ZNF589: variants seen among roughly 807,000 people sequenced by gnomAD.
The protein encoded by ZNF589 is zinc finger protein 589, also known as KRAB-zinc finger protein SZF1-1.
ZNF589 carries 17 observed loss-of-function variants against 13.6 expected under a neutral mutation model. That is an observed-to-expected ratio of 1.25 (90% CI 0.86 to 1.88). The LOEUF (loss-of-function observed/expected upper bound fraction) is 1.88. ZNF589 is among the 40% of genes most tolerant of loss of function. The pLI, the probability that ZNF589 is intolerant of heterozygous loss-of-function variation, is 0.00. For missense variants in ZNF589, 407 were observed against 434.0 expected (o/e 0.94, Z 0.55); for synonymous variants, 148 against 161.6 (o/e 0.92, Z 0.64).
chr3:48,248,285 A>G (rs958797359), intron 2 of ZNF589, among the ~76,000 whole-genome samples: 7 of 152,220 alleles, frequency 4.6e-5, no homozygotes, highest in African/African-American at 1.7e-4. Flanking sequence ...TTTCGAGATG[A>G]GATCATCTGG....
At position 48,270,873 on chromosome 3, in the gene ZNF589, AG is replaced by A. The variant is rs376557744; in HGVS notation, c.*2089del. The A allele has an allele frequency of 7.2e-4, 122 of 170,350 alleles. 1 individual carries two copies. Among genetic ancestry groups the A allele is most frequent in the Admixed American group, 1.9e-3 (31 of 16,530 alleles). 10.6% of individuals were successfully genotyped at this position (170,350 alleles called of 1,614,324 possible). On this transcript the variant is annotated 3_prime_UTR_variant, in exon 4 of 4. Coordinates refer to ENST00000354698, the MANE Select transcript of ZNF589 (RefSeq NM_016089.3). Reference sequence around the variant, plus strand: ...GAAGGGCTAGGGGTACCTGGAATGTAGGATCTCCCCCATGCCTGGCCTACCA... The same window carrying A: ...GAAGGGCTAGGGGTACCTGGAATGTAGATCTCCCCCATGCCTGGCCTACCA...
At chr3:48,260,429 G>A (rs1300180673) in intron 2 of ZNF589, among the ~76,000 whole-genome samples, 1 of 151,324 alleles carries the variant, frequency 6.6e-6, no homozygotes, top group East Asian at 1.9e-4. Flanking sequence ...TTCTTTTTGA[G>A]GCGGAGTCTC....
intron 2 of ZNF589, among the ~76,000 whole-genome samples, chr3:48,259,539 A>G (rs2033945506): frequency 6.6e-6 from 1 of 152,182 alleles, no homozygotes; most frequent in Non-Finnish European, 1.5e-5. Flanking sequence ...GGTGGACAAG[A>G]AGATTGATGT....
intron 2 of ZNF589, among the ~76,000 whole-genome samples, chr3:48,249,581 T>A (rs530158333): frequency 6.6e-6 from 1 of 152,340 alleles, no homozygotes; most frequent in South Asian, 2.1e-4. Flanking sequence ...GTTCAGCACT[T>A]CTATAGCTAT....
intron 1 of ZNF589, among the ~76,000 whole-genome samples, chr3:48,246,552 C>T (rs762488569): frequency 1.3e-4 from 20 of 152,204 alleles, no homozygotes; most frequent in Non-Finnish European, 2.6e-4. Context: ...TCAAGTGATC[C>T]TCCCACCTCA....
chr3:48,267,052 C>A (rs1429685667), intron 3 of ZNF589, among the ~76,000 whole-genome samples: 1 of 152,084 alleles, frequency 6.6e-6, no homozygotes, highest in African/African-American at 2.4e-5. Flanking sequence ...GCATAGGAAG[C>A]CTTCATTTGA....
Position 48,264,980 on chromosome 3 carries a change from A to T in ZNF589, c.224-2935A>T, listed in dbSNP as rs183027060. Among the ~76,000 whole-genome samples the T allele has an allele frequency of 4.4e-3, 662 of 152,002 alleles. 6 individuals are homozygous for T. Among genetic ancestry groups the T allele is most frequent in the African/African-American group, 0.015 (641 of 41,458 alleles). ...GGGGGTCCAGTTGGCTTTAATATTT[A>T]AATTTTTTTGAGACAGAGTCTTGTT... On this transcript the variant is annotated intron_variant, in intron 3 of 3. Coordinates refer to ENST00000354698, the MANE Select transcript of ZNF589 (RefSeq NM_016089.3).
chr3:48,257,370 C>G (rs2033915188), intron 2 of ZNF589, among the ~76,000 whole-genome samples: 1 of 152,114 alleles, frequency 6.6e-6, no homozygotes, highest in African/African-American at 2.4e-5. Context: ...AGCGATTCTC[C>G]TGCCTCAGCC....
intron 2 of ZNF589, among the ~76,000 whole-genome samples, chr3:48,251,027 A>C (rs1359642631): frequency 1.3e-5 from 2 of 152,232 alleles, no homozygotes; most frequent in African/African-American, 4.8e-5. Flanking sequence ...CTGGGATTGC[A>C]GGTGTGAGCC....
chr3:48,246,066 A>G (rs529001377), intron 1 of ZNF589, among the ~76,000 whole-genome samples: 1 of 151,752 alleles, frequency 6.6e-6, no homozygotes, highest in African/African-American at 2.4e-5. Context: ...TAATCCCAGC[A>G]CTTTGAGAGG....
At position 48,269,494 on chromosome 3, in the gene ZNF589, AC is replaced by A. The variant is rs2034066251; in HGVS notation, c.*709del. 1 of 395,530 alleles carries A rather than the reference AC, an allele frequency of 2.5e-6. No homozygotes were observed. The highest frequency in any genetic ancestry group is 3.6e-5 in the Admixed American group (1 of 28,042). The allele number at this position is 395,530 out of a possible 1,614,324, so 24.5% of individuals were successfully genotyped here. A position where few individuals can be genotyped will look rare whatever the true frequency, so the allele number is the denominator to read the frequency against. ...TTGGCCGGAAGATACTCCTCAACAG[AC>A]ACTGGAGGACACACACAGGAGAGAA... On this transcript the variant is annotated 3_prime_UTR_variant, in exon 4 of 4. Transcript: ENST00000354698.
chr3:48,261,040 T>G, intron 3 of ZNF589, 101 bp downstream of exon 3: 1 of 1,306,676 alleles, frequency 7.7e-7, no homozygotes, highest in Non-Finnish European at 1.1e-6. Context: ...TATCAGTGAA[T>G]AGAATAATAA....
At chr3:48,251,435 CT>C (rs2033837663) in intron 2 of ZNF589, among the ~76,000 whole-genome samples, 1 of 151,232 alleles carries the variant, frequency 6.6e-6, no homozygotes, top group South Asian at 2.1e-4. Flanking sequence ...CGATGCGTAC[CT>C]GTAATCCCAG....
intron 3 of ZNF589, among the ~76,000 whole-genome samples, chr3:48,262,083 T>C (rs1340170666): frequency 6.6e-6 from 1 of 152,238 alleles, no homozygotes; most frequent in East Asian, 1.9e-4. Context: ...CCTTTCTCTC[T>C]ACATCACTTT....
intron 2 of ZNF589, among the ~76,000 whole-genome samples, chr3:48,248,323 A>G (rs555960962): frequency 1.3e-5 from 2 of 152,360 alleles, no homozygotes; most frequent in South Asian, 4.1e-4. Flanking sequence ...ATTTATGCAC[A>G]GGGACACGTG....
At chr3:48,248,296 C>A (rs1452400938) in intron 2 of ZNF589, among the ~76,000 whole-genome samples, 1 of 152,160 alleles carries the variant, frequency 6.6e-6, no homozygotes, top group Admixed American at 6.5e-5. Context: ...GATCATCTGG[C>A]TTAGAGGGAT....
intron 1 of ZNF589, among the ~76,000 whole-genome samples, chr3:48,243,820 A>G (rs556348471): frequency 3.3e-5 from 5 of 151,726 alleles, no homozygotes; most frequent in Admixed American, 6.6e-5. Context: ...CAGTAACACT[A>G]AGTTGAACTT....
Position 48,269,966 on chromosome 3 carries a change from GT to G in ZNF589, c.*1181del, listed in dbSNP as rs2034071872. On this transcript the variant is annotated 3_prime_UTR_variant, in exon 4 of 4. Coordinates refer to ENST00000354698, the MANE Select transcript of ZNF589 (RefSeq NM_016089.3). ...TCTTGTTCTAAGAGCTTTGGGGACA[GT>G]CTTTTGACCCCTTACATTCCTTTAG... The G allele has an allele frequency of 2.2e-6, 1 of 451,140 alleles. No homozygotes were observed. The highest frequency in any genetic ancestry group is 2.0e-5 in the African/African-American group (1 of 49,890). The allele number at this position is 451,140 out of a possible 1,614,324, so 27.9% of individuals were successfully genotyped here.
At chr3:48,247,073 C>T (rs187340265) in intron 1 of ZNF589, among the ~76,000 whole-genome samples, 2 of 152,188 alleles carry the variant, frequency 1.3e-5, no homozygotes, top group African/African-American at 4.8e-5. Flanking sequence ...TGGGTTCAAG[C>T]GATTCTCCTG....
Sources: allele counts gnomAD v4.1 joint callset (sites outside exome capture counted in the v4.1 genomes callset), GRCh38; gene constraint gnomAD v4.1.1; transcripts MANE v1.5; gene names NCBI Gene and HGNC (gene_info 2026-07-23, HGNC 2026-07-21).